Variants in RBFOX1 observed in about 807,000 individuals in gnomAD.
RBFOX1 encodes the protein RNA binding protein fox-1 homolog 1.
A neutral mutation model predicts 57.7 loss-of-function variants in RBFOX1; 8 were observed. That is an observed-to-expected ratio of 0.14 (90% CI 0.08 to 0.25). The LOEUF (loss-of-function observed/expected upper bound fraction) is 0.25. RBFOX1 is among the 10% of genes least tolerant of loss of function. RBFOX1 has a pLI of 1.00. For synonymous variants in RBFOX1, 326 were observed against 222.4 expected (o/e 1.47, Z -4.15); for missense variants, 611 against 548.5 (o/e 1.11, Z -1.14).
chr16:7,516,383 G>A (rs1053382189), intron 4 of RBFOX1, among the ~76,000 whole-genome samples: 5 of 152,044 alleles, frequency 3.3e-5, no homozygotes, highest in African/African-American at 7.2e-5. Flanking sequence ...GGCTCATCTC[G>A]TAGCGACTGG....
At chr16:5,710,055 T>C (rs1276533605) in intron 3 of RBFOX1, among the ~76,000 whole-genome samples, 1 of 150,764 alleles carries the variant, frequency 6.6e-6, no homozygotes, top group African/African-American at 2.4e-5. Flanking sequence ...TGCCCATGTA[T>C]CTTCAGCACC....
At chr16:7,649,931 A>T (rs2064604693) in intron 11 of RBFOX1, among the ~76,000 whole-genome samples, 1 of 151,786 alleles carries the variant, frequency 6.6e-6, no homozygotes, top group Non-Finnish European at 1.5e-5. Flanking sequence ...GAAGGCAGGA[A>T]TTAATAAAGA....
chr16:5,807,249 T>G (rs1019734960), intron 3 of RBFOX1, among the ~76,000 whole-genome samples: 6 of 152,208 alleles, frequency 3.9e-5, no homozygotes, highest in Non-Finnish European at 8.8e-5. Flanking sequence ...CTCCTCTCCC[T>G]TCACGGGGGC....
chr16:5,333,781 C>T (rs1319460495), intron 1 of RBFOX1, among the ~76,000 whole-genome samples: 3 of 152,206 alleles, frequency 2.0e-5, no homozygotes, highest in South Asian at 2.1e-4. Context: ...CAAACCTCTA[C>T]AGCATGTTAT....
At chr16:6,924,811 C>G (rs1254781663) in intron 3 of RBFOX1, among the ~76,000 whole-genome samples, 6 of 147,614 alleles carry the variant, frequency 4.1e-5, no homozygotes, top group African/African-American at 7.5e-5. Flanking sequence ...AGGTATATCT[C>G]CTAATGCTAT....
chr16:7,545,912 T>C (rs148795459), intron 5 of RBFOX1, among the ~76,000 whole-genome samples: 3 of 151,992 alleles, frequency 2.0e-5, no homozygotes, highest in African/African-American at 7.2e-5. Flanking sequence ...CAGAACTGTT[T>C]TGAGAGTCAC....
Position 7,511,111 on chromosome 16 carries a change from G to A in RBFOX1, c.28-7036G>A, listed in dbSNP as rs555002565. Among the ~76,000 whole-genome samples, 4 of 152,300 alleles carry A rather than the reference G, an allele frequency of 2.6e-5. No homozygotes were observed. In the East Asian group the frequency reaches 5.8e-4, roughly 22 times the overall value. On this transcript the variant is annotated intron_variant, in intron 4 of 15. Transcript: ENST00000550418. ...TGCCTATTTTAAAGTCCACCTGGACGGCTACGAAAGCTGGTACTTTGCCTT... is the reference window on the plus strand; with the variant it reads ...TGCCTATTTTAAAGTCCACCTGGACAGCTACGAAAGCTGGTACTTTGCCTT...
intron 3 of RBFOX1, among the ~76,000 whole-genome samples, chr16:5,747,792 G>A (rs2053044639): frequency 6.6e-6 from 1 of 152,000 alleles, no homozygotes. Flanking sequence ...CTTGCTAGTG[G>A]TCTATCAATT....
At chr16:7,502,418 A>G (rs960394135) in intron 4 of RBFOX1, among the ~76,000 whole-genome samples, 1 of 152,222 alleles carries the variant, frequency 6.6e-6, no homozygotes, top group Non-Finnish European at 1.5e-5. Context: ...TGCATTCTTT[A>G]TAAACAATGT....
At position 6,311,140 on chromosome 16, in the gene RBFOX1, CA is replaced by C. The variant is rs199688557; in HGVS notation, c.-126-5849del. Among the ~76,000 whole-genome samples the C allele has an allele frequency of 1.2e-4, 18 of 151,474 alleles. No homozygotes were observed. In the South Asian group the frequency reaches 1.5e-3, roughly 12 times the overall value. ...TGAAACCCTGTCTCTACTAAAAATACAAAAAATTAGCTGGACGTTGTGGTGG... is the reference window on the plus strand; with the variant it reads ...TGAAACCCTGTCTCTACTAAAAATACAAAAATTAGCTGGACGTTGTGGTGG... On this transcript the variant is annotated intron_variant, in intron 1 of 15. Transcript: ENST00000550418.
At chr16:6,096,823 G>C (rs2096250319) in intron 1 of RBFOX1, among the ~76,000 whole-genome samples, 1 of 152,186 alleles carries the variant, frequency 6.6e-6, no homozygotes, top group Admixed American at 6.5e-5. Context: ...TGCTCAAACT[G>C]TCATTCATTG....
chr16:5,249,598 G>T (rs1013537840), intron 1 of RBFOX1, among the ~76,000 whole-genome samples: 1 of 152,224 alleles, frequency 6.6e-6, no homozygotes, highest in Non-Finnish European at 1.5e-5. Flanking sequence ...GAGGGTCTAT[G>T]TGGTCTGAGT....
chr16:7,348,080 G>T (rs1445695854), intron 4 of RBFOX1, among the ~76,000 whole-genome samples: 1 of 152,140 alleles, frequency 6.6e-6, no homozygotes, highest in East Asian at 1.9e-4. Context: ...AATTCACTTT[G>T]CAAAACTGTT....
intron 3 of RBFOX1, among the ~76,000 whole-genome samples, chr16:5,752,466 A>G (rs937171043): frequency 1.2e-4 from 19 of 152,182 alleles, no homozygotes; most frequent in Non-Finnish European, 7.3e-5. Context: ...TATTGAAACA[A>G]TCAACTATTA....
Position 7,215,725 on chromosome 16 carries a change from AT to A in RBFOX1, c.27+163644del, listed in dbSNP as rs56108914. Reference sequence around the variant, plus strand: ...ATCTCTAAGAATTGGCCTATTCTGGATTTTTTTTTTTTTTTTTGAGACGGAG... The same window carrying A: ...ATCTCTAAGAATTGGCCTATTCTGGATTTTTTTTTTTTTTTTGAGACGGAG... On this transcript the variant is annotated intron_variant, in intron 4 of 15. Coordinates refer to ENST00000550418, the MANE Select transcript of RBFOX1 (RefSeq NM_018723.4). 2.8e-3 allele frequency among the ~76,000 whole-genome samples: 376 copies of A among 133,292 alleles called. 2 individuals are homozygous for A. The highest frequency in any genetic ancestry group is 0.012 in the South Asian group (51 of 4,160). The allele number at this position is 133,292 out of a possible 152,430, so 87.4% of individuals were successfully genotyped here.
Position 5,561,423 on chromosome 16 carries a change from C to G in RBFOX1, c.259-37479C>G, listed in dbSNP as rs190459072. On this transcript the variant is annotated intron_variant, in intron 2 of 2. Coordinates refer to the RBFOX1 transcript ENST00000585867. ...AATTTGTAATTCTGTATTTTGAATA[C>G]CAGTTAGTGGGACACAGACATTCTC... is the stretch of plus-strand genomic sequence containing the variant. 3.9e-3 allele frequency among the ~76,000 whole-genome samples: 586 copies of G among 151,812 alleles called. 6 individuals are homozygous for G. Among genetic ancestry groups the G allele is most frequent in the Non-Finnish European group, 5.2e-3 (356 of 67,970 alleles).
chr16:6,895,448 G>GTGTGTGTGTATATATATA (rs869028735), intron 3 of RBFOX1, among the ~76,000 whole-genome samples: 2 of 54,612 alleles, frequency 3.7e-5, no homozygotes, highest in African/African-American at 1.7e-4. Context: ...GTGTGTGTGT[G>GTGTGTGTGTATATATATA]TATATATATA....
intron 3 of RBFOX1, among the ~76,000 whole-genome samples, chr16:6,812,104 C>T (rs74007090): frequency 2.6e-5 from 4 of 152,058 alleles, no homozygotes; most frequent in Admixed American, 6.6e-5. Flanking sequence ...ATGAAGAAGC[C>T]TTCACGAGAA....
chr16:5,455,021 T>TTC (rs1217706493), intron 1 of RBFOX1, among the ~76,000 whole-genome samples: 13 of 113,184 alleles, frequency 1.1e-4, no homozygotes, highest in South Asian at 2.8e-4. Flanking sequence ...CTTTCTTTCT[T>TTC]TCTCTCTCTC....
Sources: gnomAD v4.1 joint callset for allele counts (sites outside exome capture counted in the v4.1 genomes callset) on GRCh38, gnomAD v4.1.1 for gene constraint, MANE v1.5 for transcripts, NCBI Gene and HGNC (gene_info 2026-07-23, HGNC 2026-07-21) for gene names.